LAMA2: variants seen among roughly 807,000 people sequenced by gnomAD.
The protein encoded by LAMA2 is laminin subunit alpha-2.
Under a neutral mutation model 364.8 loss-of-function variants are expected in LAMA2, and 269 were observed. The ratio of observed to expected loss-of-function variants is 0.74; its 90% CI spans 0.67 to 0.82. LAMA2 has a LOEUF of 0.82. LAMA2 is among the 40% of genes least tolerant of loss of function. LAMA2 has a pLI of 0.00. For missense variants in LAMA2, 3,807 were observed against 3,873.2 expected (o/e 0.98, Z 0.45); for synonymous variants, 1,379 against 1,370.6 (o/e 1.01, Z -0.14).
intron 40 of LAMA2, among the ~76,000 whole-genome samples, chr6:129,409,507 A>G (rs1780418080): frequency 6.6e-6 from 1 of 152,236 alleles, no homozygotes; most frequent in South Asian, 2.1e-4. Flanking sequence ...TAGATGGGTC[A>G]GAAAGCATCC....
At chr6:129,225,368 T>C (rs1784179595) in intron 12 of LAMA2, among the ~76,000 whole-genome samples, 1 of 152,202 alleles carries the variant, frequency 6.6e-6, no homozygotes, top group Non-Finnish European at 1.5e-5. Context: ...TTTCTTGCCT[T>C]CTGCTAGCTT....
intron 1 of LAMA2, among the ~76,000 whole-genome samples, chr6:128,989,178 A>G (rs1040471713): frequency 6.6e-5 from 10 of 152,300 alleles, no homozygotes; most frequent in African/African-American, 2.2e-4. Flanking sequence ...TCCATCCTTC[A>G]AAGTTCTAAC....
At chr6:129,202,640 T>C (rs58043974) in intron 12 of LAMA2, among the ~76,000 whole-genome samples, 34,852 of 152,048 alleles carry the variant, frequency 0.23, 4,324 homozygotes, top group African/African-American at 0.32. Context: ...CCTGAATGCA[T>C]CAGTACACTT....
At chr6:128,956,135 G>A (rs1278446266) in intron 1 of LAMA2, among the ~76,000 whole-genome samples, 1 of 151,920 alleles carries the variant, frequency 6.6e-6, no homozygotes, top group African/African-American at 2.4e-5. Context: ...TGGAGCCACA[G>A]GATGAAGATG....
At chr6:129,346,883 C>G (rs1054423061) in intron 30 of LAMA2, among the ~76,000 whole-genome samples, 1 of 152,146 alleles carries the variant, frequency 6.6e-6, no homozygotes, top group African/African-American at 2.4e-5. Flanking sequence ...ATGATCTTCA[C>G]AAACAGATGA....
At chr6:128,912,994 G>A (rs1386290713) in intron 1 of LAMA2, among the ~76,000 whole-genome samples, 1 of 152,148 alleles carries the variant, frequency 6.6e-6, no homozygotes, top group East Asian at 1.9e-4. Flanking sequence ...GACAAATTGG[G>A]AGAACACAGG....
chr6:129,265,477 C>A (rs1787440779), intron 15 of LAMA2, among the ~76,000 whole-genome samples: 1 of 152,108 alleles, frequency 6.6e-6, no homozygotes, highest in Non-Finnish European at 1.5e-5. Flanking sequence ...TTAATTTCTA[C>A]CCCCTTATGA....
chr6:129,042,467 T>A lies in LAMA2; in HGVS notation c.113-7451T>A, dbSNP rs1353978657. Among the ~76,000 whole-genome samples, 3 of 152,268 alleles carry A rather than the reference T, an allele frequency of 2.0e-5. No individual in the cohort carries two copies. The East Asian group carries it at 5.8e-4, about 29-fold the overall frequency. ...ATTCCTATACACATGATCATGAATA[T>A]CATTAACTGGAGTTAAATACTGCTA... On this transcript the variant is annotated intron_variant, in intron 1 of 64. Coordinates refer to ENST00000421865, the MANE Select transcript of LAMA2 (RefSeq NM_000426.4).
intron 17 of LAMA2, among the ~76,000 whole-genome samples, chr6:129,278,642 G>A (rs370106278): frequency 6.6e-6 from 1 of 152,042 alleles, no homozygotes; most frequent in Non-Finnish European, 1.5e-5. Context: ...TTCTTTACTC[G>A]CAGTGCACAC....
rs184870553 is a variant in LAMA2 at position 129,185,603 on chromosome 6, T to C, written c.1468-4602T>C. On this transcript the variant is annotated intron_variant, in intron 10 of 64. Transcript: ENST00000421865. ...TAAAGGCAAACATTCACATGGTGCA[T>C]CTGTACATAAAATATATCTGGAGTA... 3.1e-3 allele frequency among the ~76,000 whole-genome samples: 473 copies of C among 151,850 alleles called. 1 individual carries two copies. Among genetic ancestry groups the C allele is most frequent in the African/African-American group, 0.011 (461 of 41,490 alleles).
intron 35 of LAMA2, among the ~76,000 whole-genome samples, chr6:129,384,467 A>G (rs1037383565): frequency 2.0e-5 from 3 of 152,172 alleles, no homozygotes; most frequent in African/African-American, 2.4e-5. Flanking sequence ...ATTTGTTTCA[A>G]TCAAACACTG....
At chr6:129,358,595 TATGAA>T (rs1256515938) in intron 32 of LAMA2, among the ~76,000 whole-genome samples, 1 of 152,046 alleles carries the variant, frequency 6.6e-6, no homozygotes, top group East Asian at 1.9e-4. Context: ...AGCATGGTGT[TATGAA>T]GTGGCTACAG....
At chr6:129,392,907 A>T (rs1370331055) in intron 36 of LAMA2, 138 bp from the exon 37 acceptor site, 5 of 670,612 alleles carry the variant, frequency 7.5e-6, no homozygotes, top group Non-Finnish European at 1.3e-5. Flanking sequence ...TTTAGCACAC[A>T]GTGAATCTAT....
At chr6:129,365,140 G>A (rs1583581617) in intron 32 of LAMA2, among the ~76,000 whole-genome samples, 1 of 152,126 alleles carries the variant, frequency 6.6e-6, no homozygotes, top group Non-Finnish European at 1.5e-5. Flanking sequence ...TAGAATATTA[G>A]CATTCTTGGC....
rs769375184 is a variant in LAMA2 at position 129,148,966 on chromosome 6, T to A, written c.910-13T>A. 1.9e-6 allele frequency: 3 copies of A among 1,588,310 alleles called. No individual in the cohort carries two copies. The highest frequency in any genetic ancestry group is 2.6e-6 in the Non-Finnish European group (3 of 1,156,532). ...GAGGCTAAAATTTGTGCTTCCTCCC[T>A]CTTTTTGACTAGAAATCTCGCTGTG... On this transcript the variant is annotated splice_polypyrimidine_tract_variant and intron_variant, in intron 6 of 64. Transcript: ENST00000421865.
intron 1 of LAMA2, among the ~76,000 whole-genome samples, chr6:128,944,368 T>G (rs554468179): frequency 7.9e-5 from 12 of 152,342 alleles, no homozygotes; most frequent in Non-Finnish European, 1.5e-4. Flanking sequence ...ATCCATCTTC[T>G]GTTTACTAGG....
chr6:129,129,848 C>A (rs28713374), intron 4 of LAMA2, among the ~76,000 whole-genome samples: 4 of 144,312 alleles, frequency 2.8e-5, no homozygotes, highest in African/African-American at 7.8e-5. Flanking sequence ...GGCGTGAACC[C>A]GGGAGGCGGA....
At chr6:129,203,562 C>A (rs889807083) in intron 12 of LAMA2, among the ~76,000 whole-genome samples, 4 of 152,224 alleles carry the variant, frequency 2.6e-5, no homozygotes. Flanking sequence ...GGAGAGAGGG[C>A]TGCAACAGCT....
chr6:129,301,913 T>C (rs1156722700), intron 22 of LAMA2, among the ~76,000 whole-genome samples: 2 of 152,128 alleles, frequency 1.3e-5, no homozygotes, highest in East Asian at 3.9e-4. Context: ...GGTTTGTTTG[T>C]TTCTTTGTTT....
Sources: allele counts gnomAD v4.1 joint callset (sites outside exome capture counted in the v4.1 genomes callset), GRCh38; gene constraint gnomAD v4.1.1; transcripts MANE v1.5; gene names NCBI Gene and HGNC (gene_info 2026-07-23, HGNC 2026-07-21).